Variants in BACE2 observed in about 807,000 individuals in gnomAD.
BACE2 encodes beta-secretase 2.
In BACE2, 17 loss-of-function variants were observed where a neutral mutation model predicts 46.2. The observed-to-expected ratio is 0.37, with a 90% CI of 0.25 to 0.55. BACE2 has a LOEUF of 0.55. Ranked by LOEUF, BACE2 falls within the 20% of genes least tolerant of loss-of-function variation. The probability of loss-of-function intolerance (pLI) is 0.82; values close to 1 mark genes in which losing one functional copy is unlikely to be tolerated. For missense variants in BACE2, 595 were observed against 698.1 expected, an observed-to-expected ratio of 0.85 and a Z score of 1.66; for synonymous variants, 277 against 295.9, an observed-to-expected ratio of 0.94 and a Z score of 0.66.
At chr21:41,240,610 C>T (rs1987258235) in intron 3 of BACE2, among the ~76,000 whole-genome samples, 3 of 152,188 alleles carry the variant, frequency 2.0e-5, no homozygotes, top group South Asian at 2.1e-4. Context: ...TTTGCTTTAC[C>T]GCCTCTCAAG....
intron 6 of BACE2, among the ~76,000 whole-genome samples, chr21:41,248,286 A>T (rs935264286): frequency 9.2e-5 from 14 of 152,258 alleles, no homozygotes; most frequent in African/African-American, 3.4e-4. Flanking sequence ...TCCCAAGGAC[A>T]CGTGGCTTCA....
At chr21:41,195,181 A>G (rs1257571768) in intron 1 of BACE2, among the ~76,000 whole-genome samples, 3 of 152,258 alleles carry the variant, frequency 2.0e-5, no homozygotes, top group African/African-American at 7.2e-5. Context: ...TCACACTGCA[A>G]TGGCAGAGGT....
intron 7 of BACE2, among the ~76,000 whole-genome samples, chr21:41,252,289 C>A (rs1205526681): frequency 1.3e-5 from 2 of 152,172 alleles, no homozygotes; most frequent in Admixed American, 1.3e-4. Flanking sequence ...CCCTCAAGGC[C>A]TCTTGCCTGC....
intron 1 of BACE2, among the ~76,000 whole-genome samples, chr21:41,221,336 A>G (rs112062705): frequency 3.3e-5 from 5 of 152,254 alleles, no homozygotes; most frequent in African/African-American, 1.2e-4. Context: ...CACTTAGTAC[A>G]TTAGGGAAGT....
At chr21:41,212,816 G>A (rs1698058648) in intron 1 of BACE2, among the ~76,000 whole-genome samples, 1 of 152,226 alleles carries the variant, frequency 6.6e-6, no homozygotes, top group Non-Finnish European at 1.5e-5. Context: ...TAGGCCACCA[G>A]CAATCTCTGC....
At chr21:41,267,968 T>C (rs777079558) in intron 8 of BACE2, among the ~76,000 whole-genome samples, 28 of 152,214 alleles carry the variant, frequency 1.8e-4, no homozygotes, top group Non-Finnish European at 3.5e-4. Context: ...TTTTTATCCT[T>C]GGTAAAATTA....
At chr21:41,169,869 G>A (rs896938544) in intron 1 of BACE2, among the ~76,000 whole-genome samples, 1 of 151,518 alleles carries the variant, frequency 6.6e-6, no homozygotes, top group African/African-American at 2.4e-5. Context: ...ATGGTTAGAG[G>A]GAGGGAATAG....
chr21:41,222,536 T>C (rs1208700652), intron 1 of BACE2, among the ~76,000 whole-genome samples: 4 of 152,144 alleles, frequency 2.6e-5, no homozygotes, highest in Non-Finnish European at 5.9e-5. Context: ...GTGGTCAGCG[T>C]GGCTGGGAGG....
At chr21:41,172,705 A>C (rs118031914) in intron 1 of BACE2, among the ~76,000 whole-genome samples, 1 of 152,342 alleles carries the variant, frequency 6.6e-6, no homozygotes, top group Non-Finnish European at 1.5e-5. Flanking sequence ...GGTCCTGAGC[A>C]CTGTAGTGTC....
At chr21:41,206,087 T>C (rs1435228974) in intron 1 of BACE2, among the ~76,000 whole-genome samples, 1 of 152,192 alleles carries the variant, frequency 6.6e-6, no homozygotes, top group African/African-American at 2.4e-5. Context: ...TATGTTTTAG[T>C]TTGGGCTGCC....
At chr21:41,192,457 G>A (rs1340735795) in intron 1 of BACE2, among the ~76,000 whole-genome samples, 1 of 152,188 alleles carries the variant, frequency 6.6e-6, no homozygotes, top group African/African-American at 2.4e-5. Context: ...AAAGTACCCA[G>A]TTCATGATAG....
chr21:41,254,309 C>T (rs1168123753), intron 7 of BACE2, among the ~76,000 whole-genome samples: 1 of 152,190 alleles, frequency 6.6e-6, no homozygotes, highest in Non-Finnish European at 1.5e-5. Context: ...TTGACCTGCT[C>T]TTCAGTGTGG....
intron 8 of BACE2, among the ~76,000 whole-genome samples, chr21:41,270,437 A>G (rs1017801517): frequency 5.3e-5 from 8 of 152,140 alleles, no homozygotes; most frequent in African/African-American, 1.9e-4. Flanking sequence ...TATATAATGG[A>G]GATGGGGTCT....
intron 1 of BACE2, among the ~76,000 whole-genome samples, chr21:41,192,835 G>T (rs369053148): frequency 1.3e-5 from 2 of 152,218 alleles, no homozygotes; most frequent in African/African-American, 4.8e-5. Flanking sequence ...TGAGGAATGT[G>T]TTCCCTCCGA....
chr21:41,190,237 T>G (rs747752380), intron 1 of BACE2, among the ~76,000 whole-genome samples: 37 of 152,160 alleles, frequency 2.4e-4, no homozygotes, highest in Non-Finnish European at 4.6e-4. Context: ...ACATCTGAGA[T>G]CATACATAAT....
chr21:41,233,670 C>T (rs1987029265), intron 2 of BACE2, among the ~76,000 whole-genome samples: 1 of 152,220 alleles, frequency 6.6e-6, no homozygotes, highest in South Asian at 2.1e-4. Flanking sequence ...GATACAATTA[C>T]TCTACCAGGG....
chr21:41,215,071 G>A (rs191294152), intron 1 of BACE2, among the ~76,000 whole-genome samples: 20 of 152,264 alleles, frequency 1.3e-4, no homozygotes, highest in South Asian at 2.1e-4. Context: ...AGAGATGACC[G>A]TGGGCCTGGA....
chr21:41,247,273 A>G (rs1987498304), intron 6 of BACE2, among the ~76,000 whole-genome samples: 1 of 152,118 alleles, frequency 6.6e-6, no homozygotes, highest in Non-Finnish European at 1.5e-5. Context: ...AAACGGACAC[A>G]GAGGGGGAAT....
intron 7 of BACE2, among the ~76,000 whole-genome samples, chr21:41,254,543 T>C (rs993616068): frequency 6.6e-6 from 1 of 152,248 alleles, no homozygotes; most frequent in Non-Finnish European, 1.5e-5. Flanking sequence ...CTCTTGCTTT[T>C]CTCCAAACAG....
Sources: allele counts gnomAD v4.1 joint callset (sites outside exome capture counted in the v4.1 genomes callset), GRCh38; gene constraint gnomAD v4.1.1; transcripts MANE v1.5; gene names NCBI Gene and HGNC (gene_info 2026-07-23, HGNC 2026-07-21).